Variants in SPRY3 observed in about 807,000 individuals in gnomAD.
SPRY3 encodes protein sprouty homolog 3.
In SPRY3, 15 loss-of-function variants were observed where a neutral mutation model predicts 20.2. That is an observed-to-expected ratio of 0.74 (90% CI 0.50 to 1.14). SPRY3 has a LOEUF of 1.14. SPRY3 is among the 50% of genes most tolerant of loss of function. SPRY3 has a pLI of 0.00. For synonymous variants in SPRY3, 143 were observed against 136.5 expected (o/e 1.05, Z -0.33); for missense variants, 364 against 363.9 (o/e 1.00, Z 0.00).
At chrX:155,678,296 ATAGT>A (rs926498386) in intron 2 of SPRY3, among the ~76,000 whole-genome samples, 17 of 111,727 alleles carry the variant, frequency 1.5e-4, no homozygotes, top group Non-Finnish European at 3.8e-5. Flanking sequence ...ACCTCCAAAA[ATAGT>A]TAGGAAGAAG....
chrX:155,749,441 A>G (rs2091247916), intron 2 of SPRY3, among the ~76,000 whole-genome samples: 6 of 151,834 alleles, frequency 4.0e-5, no homozygotes, highest in South Asian at 2.1e-4. Flanking sequence ...TAGAGTGGGA[A>G]GAGAAGGCCT....
chrX:155,715,647 C>T (rs758477914), intron 2 of SPRY3, among the ~76,000 whole-genome samples: 1 of 152,232 alleles, frequency 6.6e-6, no homozygotes, highest in East Asian at 1.9e-4. Flanking sequence ...CACTAGAACT[C>T]GCCTAGGAGT....
At chrX:155,764,224 T>C (rs2091315603) in intron 2 of SPRY3, among the ~76,000 whole-genome samples, 1 of 152,190 alleles carries the variant, frequency 6.6e-6, no homozygotes, top group Admixed American at 6.5e-5. Flanking sequence ...TGCTGCCACT[T>C]ACTAGCTGTA....
At chrX:155,655,023 A>G (rs781799620) in intron 1 of SPRY3, among the ~76,000 whole-genome samples, 73 of 111,047 alleles carry the variant, frequency 6.6e-4, no homozygotes, top group Non-Finnish European at 1.3e-3. Context: ...CCTTGCCAAC[A>G]TCTGTTGTTT....
intron 2 of SPRY3, among the ~76,000 whole-genome samples, chrX:155,756,326 A>G (rs1276659040): frequency 1.3e-5 from 2 of 152,120 alleles, no homozygotes; most frequent in Admixed American, 6.6e-5. Context: ...AGTGAAGTAT[A>G]TGTTGGTGTG....
At chrX:155,719,154 A>C (rs1569385193) in intron 2 of SPRY3, among the ~76,000 whole-genome samples, 1 of 152,124 alleles carries the variant, frequency 6.6e-6, no homozygotes, top group Non-Finnish European at 1.5e-5. Flanking sequence ...ATTTTTGTGC[A>C]CTGGGGGAGG....
chrX:155,615,559 A>G lies in SPRY3; in HGVS notation c.-441+2912A>G, dbSNP rs182126141. On this transcript the variant is annotated intron_variant, in intron 1 of 3. Transcript: ENST00000675360. Reference sequence around the variant, plus strand: ...AAGTAGTGACTTTTAGCCAGAAAATAAATATTCTGGACACAGTGCAATGTT... The same window carrying G: ...AAGTAGTGACTTTTAGCCAGAAAATGAATATTCTGGACACAGTGCAATGTT... Among the ~76,000 whole-genome samples the G allele has an allele frequency of 1.8e-3, 206 of 112,394 alleles. 1 individual carries two copies. Among genetic ancestry groups the G allele is most frequent in the African/African-American group, 6.3e-3 (196 of 31,021 alleles).
chrX:155,774,465 C>T, exon 4 of SPRY3: 1 of 1,614,006 alleles, frequency 6.2e-7, no homozygotes, highest in Non-Finnish European at 8.5e-7. Flanking sequence ...TCTACCACTG[C>T]TCCACTGATG....
chrX:155,757,204 C>G (rs990431827), intron 2 of SPRY3, among the ~76,000 whole-genome samples: 6 of 152,146 alleles, frequency 3.9e-5, no homozygotes, highest in African/African-American at 1.4e-4. Context: ...TCATTTACTA[C>G]TAATCTTCCC....
chrX:155,707,584 C>A (rs1296982620), intron 2 of SPRY3, among the ~76,000 whole-genome samples: 1 of 150,984 alleles, frequency 6.6e-6, no homozygotes, highest in Non-Finnish European at 1.5e-5. Context: ...TTTTTCAATT[C>A]TTTCAGATTT....
downstream of SPRY3, chrX:155,779,639 G>A: frequency 6.0e-6 from 1 of 167,016 alleles, no homozygotes; most frequent in East Asian, 1.9e-4. Context: ...TAGGTTCCAT[G>A]AGCATAATAG....
chrX:155,779,986 T>A (rs1046614599), downstream of SPRY3: 1 of 166,914 alleles, frequency 6.0e-6, no homozygotes, highest in Non-Finnish European at 1.5e-5. Context: ...AAAGATAAGA[T>A]CATGACACTA....
intron 2 of SPRY3, among the ~76,000 whole-genome samples, chrX:155,709,898 C>T (rs1306045221): frequency 6.6e-6 from 1 of 151,778 alleles, no homozygotes; most frequent in Non-Finnish European, 1.5e-5. Context: ...CTATTCCCCT[C>T]AGCATTTATT....
intron 1 of SPRY3, among the ~76,000 whole-genome samples, chrX:155,632,020 T>G (rs1463408411): frequency 1.8e-5 from 2 of 111,808 alleles, no homozygotes; most frequent in Non-Finnish European, 3.8e-5. Context: ...ATTATGGATT[T>G]AGTGCATTAG....
intron 1 of SPRY3, among the ~76,000 whole-genome samples, chrX:155,637,979 T>G (rs1248957925): frequency 2.9e-5 from 3 of 105,160 alleles, no homozygotes; most frequent in African/African-American, 6.8e-5. Flanking sequence ...CAGGGTTGTT[T>G]TTTTTTTTTT....
intron 2 of SPRY3, among the ~76,000 whole-genome samples, chrX:155,751,261 C>T (rs2091260756): frequency 1.3e-5 from 2 of 151,830 alleles, no homozygotes; most frequent in Admixed American, 6.6e-5. Flanking sequence ...GAAATAATGT[C>T]CAGGACCATT....
chrX:155,717,813 C>T (rs1247022516), intron 2 of SPRY3, among the ~76,000 whole-genome samples: 1 of 152,046 alleles, frequency 6.6e-6, no homozygotes, highest in African/African-American at 2.4e-5. Context: ...CATTGATGGG[C>T]ATTTGGGTCG....
chrX:155,732,322 G>T (rs2091138458), intron 2 of SPRY3, among the ~76,000 whole-genome samples: 1 of 151,958 alleles, frequency 6.6e-6, no homozygotes, highest in African/African-American at 2.4e-5. Flanking sequence ...TTACTAAAAA[G>T]GAAAAGGGTG....
chrX:155,725,927 A>G (rs1339505600), intron 2 of SPRY3, among the ~76,000 whole-genome samples: 1 of 152,060 alleles, frequency 6.6e-6, no homozygotes, highest in Non-Finnish European at 1.5e-5. Flanking sequence ...TCAATTTTAG[A>G]TCTTTTCTGC....
Sources: allele counts gnomAD v4.1 joint callset (sites outside exome capture counted in the v4.1 genomes callset), GRCh38; gene constraint gnomAD v4.1.1; transcripts MANE v1.5; gene names NCBI Gene and HGNC (gene_info 2026-07-23, HGNC 2026-07-21).